Variants in SERPINB8 observed in about 807,000 individuals in gnomAD.
SERPINB8 encodes the protein serpin B8.
In SERPINB8, 25 loss-of-function variants were observed where a neutral mutation model predicts 35.3. That is an observed-to-expected ratio of 0.71 (90% confidence interval 0.52 to 0.99). The LOEUF (loss-of-function observed/expected upper bound fraction) is 0.99. Among genes scored for constraint, SERPINB8 ranks in the 50% least tolerant of loss-of-function variants. SERPINB8 has a pLI of 0.00. For missense variants in SERPINB8, 484 were observed against 446.5 expected, an observed-to-expected ratio of 1.08 and a Z score of -0.76; for synonymous variants, 186 against 160.8, an observed-to-expected ratio of 1.16 and a Z score of -1.19.
intron 1 of SERPINB8, among the ~76,000 whole-genome samples, chr18:63,975,326 C>A (rs1248701315): frequency 1.3e-5 from 2 of 152,156 alleles, no homozygotes; most frequent in Admixed American, 1.3e-4. Flanking sequence ...TTCCTGCCTC[C>A]CAGTCTCTGA....
chr18:64,019,151 T>G (rs2050964143), exon 8 of SERPINB8: 1 of 152,256 alleles, frequency 6.6e-6, no homozygotes, highest in Non-Finnish European at 1.5e-5. Flanking sequence ...CTGCATCTGC[T>G]GCACCCCATA....
At chr18:64,017,499 C>T (rs2050956017) in intron 7 of SERPINB8, among the ~76,000 whole-genome samples, 1 of 152,082 alleles carries the variant, frequency 6.6e-6, no homozygotes, top group Non-Finnish European at 1.5e-5. Flanking sequence ...AAAAGAAGCA[C>T]AATTTTTCAG....
Position 64,016,400 on chromosome 18 carries a change from C to A in SERPINB8, c.*3-2510C>A, listed in dbSNP as rs570987825. ...CTACCTATGATATAATTCTTCAATG[C>A]AGGGTAGATTGCAGTAAGGTTTTTC... On this transcript the variant is annotated intron_variant, in intron 7 of 7. Coordinates refer to the SERPINB8 transcript ENST00000636430. Among the ~76,000 whole-genome samples, 3 of 152,230 alleles carry A rather than the reference C, an allele frequency of 2.0e-5. No individual in the cohort carries two copies. The South Asian group carries it at 6.2e-4, about 32-fold the overall frequency.
intron 4 of SERPINB8, among the ~76,000 whole-genome samples, chr18:63,982,562 C>T (rs73484265): frequency 0.027 from 4,185 of 152,294 alleles, 179 homozygotes; most frequent in African/African-American, 0.094. Flanking sequence ...CATCCTATGT[C>T]GCAACCACTG....
chr18:64,007,645 G>A (rs565547503), downstream of SERPINB8, among the ~76,000 whole-genome samples: 5 of 152,294 alleles, frequency 3.3e-5, no homozygotes, highest in South Asian at 4.1e-4. Context: ...AAATCATGGC[G>A]AAAGGTGAAG....
intron 7 of SERPINB8, chr18:64,018,768 A>G (rs375156440): frequency 2.4e-4 from 37 of 152,306 alleles, no homozygotes; most frequent in African/African-American, 8.9e-4. Context: ...AAGCGTTCCA[A>G]CGTTTATTAG....
intron 7 of SERPINB8, among the ~76,000 whole-genome samples, chr18:64,013,627 CCTAA>C (rs1452746318): frequency 5.9e-5 from 9 of 152,138 alleles, no homozygotes; most frequent in Non-Finnish European, 1.0e-4. Context: ...TATTAACTGT[CCTAA>C]CTAAGTGTTA....
At chr18:64,003,519 ATG>A (rs61161137) in intron 1 of SERPINB8, among the ~76,000 whole-genome samples, 18,180 of 147,908 alleles carry the variant, frequency 0.12, 1,136 homozygotes, top group African/African-American at 0.16. Context: ...TGAGGGACAA[ATG>A]TGTGTGTGTG....
chr18:63,970,290 C>T (rs1005315053), intron 1 of SERPINB8, 120 bp downstream of exon 1: 1 of 171,228 alleles, frequency 5.8e-6, no homozygotes, highest in Non-Finnish European at 1.3e-5. Flanking sequence ...GAGCAGGAAT[C>T]AGAGCGAGGC....
intron 4 of SERPINB8, among the ~76,000 whole-genome samples, chr18:63,982,288 A>C (rs1028285389): frequency 6.6e-6 from 1 of 152,006 alleles, no homozygotes; most frequent in Admixed American, 6.6e-5. Context: ...CCATGGCTAC[A>C]TTTGCTCTCA....
At chr18:63,983,407 T>G (rs1359284477) in intron 4 of SERPINB8, among the ~76,000 whole-genome samples, 172 bp from the exon 5 acceptor site, 1 of 152,178 alleles carries the variant, frequency 6.6e-6, no homozygotes, top group Non-Finnish European at 1.5e-5. Context: ...GCACAAATGT[T>G]ACACTGTGTA....
At chr18:64,004,163 C>A (rs142828628) in intron 1 of SERPINB8, among the ~76,000 whole-genome samples, 1 of 151,790 alleles carries the variant, frequency 6.6e-6, no homozygotes, top group Non-Finnish European at 1.5e-5. Flanking sequence ...TTTTGGAGAC[C>A]GGAAGACAAT....
At chr18:63,975,436 G>A (rs762079512) in intron 1 of SERPINB8, among the ~76,000 whole-genome samples, 1 of 152,266 alleles carries the variant, frequency 6.6e-6, no homozygotes, top group Admixed American at 6.5e-5. Context: ...ATAAGCTCTG[G>A]AGAGGTCTTA....
At chr18:63,992,724 G>T (rs2050830568), downstream of SERPINB8, among the ~76,000 whole-genome samples, 1 of 152,176 alleles carries the variant, frequency 6.6e-6, no homozygotes, top group Non-Finnish European at 1.5e-5. Flanking sequence ...GGGAATAAAA[G>T]ACAAAGACAA....
At chr18:63,993,803 G>A (rs1283327425), downstream of SERPINB8, among the ~76,000 whole-genome samples, 1 of 152,208 alleles carries the variant, frequency 6.6e-6, no homozygotes, top group Non-Finnish European at 1.5e-5. Flanking sequence ...CACAGCCAGG[G>A]CATTGAAGTG....
intron 1 of SERPINB8, among the ~76,000 whole-genome samples, chr18:63,972,252 T>C (rs2050496822): frequency 6.6e-6 from 1 of 152,176 alleles, no homozygotes. Flanking sequence ...AGTTTTACTG[T>C]CTACACATGC....
At chr18:64,001,915 T>C (rs2050877370) in intron 1 of SERPINB8, among the ~76,000 whole-genome samples, 1 of 152,200 alleles carries the variant, frequency 6.6e-6, no homozygotes, top group African/African-American at 2.4e-5. Context: ...AAACGCTTTC[T>C]ACTTCAGTAA....
intron 1 of SERPINB8, among the ~76,000 whole-genome samples, chr18:63,996,696 G>A (rs745392049): frequency 1.3e-5 from 2 of 152,200 alleles, no homozygotes; most frequent in African/African-American, 2.4e-5. Context: ...GAGGACTGAT[G>A]ACTTTCACGC....
rs148634427 is a variant in SERPINB8 at position 63,984,286 on chromosome 18, G to T, written c.567+565G>T. ...CTTCCATCTCTGGTCATATGATTTG[G>T]ATTGGAGGAGAATTTCTTCTAAGCC... On this transcript the variant is annotated intron_variant, in intron 5 of 6. Transcript: ENST00000397985. Among the ~76,000 whole-genome samples, 510 of 152,278 alleles carry T rather than the reference G, an allele frequency of 3.3e-3. 4 individuals are homozygous for T. The highest frequency in any genetic ancestry group is 5.6e-3 in the Non-Finnish European group (380 of 68,012).
Sources: gnomAD v4.1 joint callset for allele counts (sites outside exome capture counted in the v4.1 genomes callset) on GRCh38, gnomAD v4.1.1 for gene constraint, MANE v1.5 for transcripts, NCBI Gene and HGNC (gene_info 2026-07-23, HGNC 2026-07-21) for gene names.